KALRN: variants seen among roughly 807,000 people sequenced by gnomAD.
KALRN encodes the protein kalirin RhoGEF kinase.
Under a neutral mutation model 353.7 loss-of-function variants are expected in KALRN, and 70 were observed. The ratio of observed to expected loss-of-function variants is 0.20; its 90% CI spans 0.16 to 0.24. The LOEUF (loss-of-function observed/expected upper bound fraction) is 0.24. Ranked by LOEUF, KALRN falls within the 10% of genes least tolerant of loss-of-function variation. The probability of loss-of-function intolerance (pLI) is 1.00; values close to 1 mark genes in which losing one functional copy is unlikely to be tolerated. For missense variants in KALRN, 2,791 were observed against 3,756.7 expected (o/e 0.74, Z 6.72); for synonymous variants, 1,391 against 1,434.8 (o/e 0.97, Z 0.69).
At chr3:124,566,485 G>A (rs1464599566) in intron 34 of KALRN, among the ~76,000 whole-genome samples, 6 of 148,246 alleles carry the variant, frequency 4.0e-5, no homozygotes, top group South Asian at 2.1e-4. Context: ...AGCCTGGGTT[G>A]CAGAGTGAAA....
intron 1 of KALRN, among the ~76,000 whole-genome samples, chr3:124,036,531 A>G (rs1012352140): frequency 6.6e-6 from 1 of 151,910 alleles, no homozygotes; most frequent in African/African-American, 2.4e-5. Context: ...GAACATATGC[A>G]TATGCGTTGG....
At chr3:124,677,580 G>T (rs754096897) in intron 49 of KALRN, 1 of 456,640 alleles carries the variant, frequency 2.2e-6, no homozygotes, top group South Asian at 1.5e-5. Context: ...AATATAGACC[G>T]AGAAACTCTT....
intron 5 of KALRN, among the ~76,000 whole-genome samples, chr3:124,281,709 G>C (rs1391496994): frequency 6.6e-6 from 1 of 152,108 alleles, no homozygotes; most frequent in East Asian, 1.9e-4. Flanking sequence ...CCTGTTCCAT[G>C]CCATCTAGCA....
At chr3:124,679,936 C>T (rs113940041) in intron 51 of KALRN, among the ~76,000 whole-genome samples, 3 of 152,346 alleles carry the variant, frequency 2.0e-5, no homozygotes, top group African/African-American at 7.2e-5. Flanking sequence ...CCCTCCTCCG[C>T]TTCTTTTTCT....
chr3:124,079,193 G>A (rs577336818), intron 1 of KALRN, among the ~76,000 whole-genome samples: 2 of 152,144 alleles, frequency 1.3e-5, no homozygotes, highest in African/African-American at 4.8e-5. Context: ...GGAAGCAGAG[G>A]GGATTTTTGC....
At chr3:124,292,301 A>T (rs1471699971) in intron 5 of KALRN, among the ~76,000 whole-genome samples, 1 of 152,172 alleles carries the variant, frequency 6.6e-6, no homozygotes, top group Non-Finnish European at 1.5e-5. Flanking sequence ...CTCCTACTAA[A>T]CTGTTTCTAT....
At chr3:124,692,508 C>A (rs1033294859) in intron 51 of KALRN, among the ~76,000 whole-genome samples, 5 of 152,170 alleles carry the variant, frequency 3.3e-5, no homozygotes, top group Non-Finnish European at 7.3e-5. Context: ...AGTGCAGAGG[C>A]CCCAGTTGGG....
At chr3:124,463,810 C>T (rs1416101870) in intron 25 of KALRN, among the ~76,000 whole-genome samples, 18 of 152,066 alleles carry the variant, frequency 1.2e-4, no homozygotes, top group Admixed American at 1.2e-3. Flanking sequence ...TTATTAATTC[C>T]TGGTATGTCA....
chr3:124,692,855 C>T lies in KALRN; in HGVS notation c.7378-949C>T, dbSNP rs116371672. On this transcript the variant is annotated intron_variant, in intron 51 of 59. Coordinates refer to ENST00000682506, the MANE Select transcript of KALRN (RefSeq NM_001388419.1). ...ATGACCTCAGCCTATCTCCAAAGTC[C>T]GTGCTTTTTTAAAACAATGCCAGGC... 7.0e-3 allele frequency among the ~76,000 whole-genome samples: 1,066 copies of T among 152,298 alleles called. 9 individuals are homozygous for T. The highest frequency in any genetic ancestry group is 0.024 in the African/African-American group (1,006 of 41,566).
chr3:124,702,202 T>C (rs2062374147), intron 57 of KALRN, 86 bp downstream of exon 57: 2 of 795,540 alleles, frequency 2.5e-6, no homozygotes, highest in Non-Finnish European at 4.0e-6. Context: ...TGTCATTGTT[T>C]ATTTCTTTTA....
At chr3:124,434,822 G>A (rs555312350) in intron 17 of KALRN, among the ~76,000 whole-genome samples, 12 of 152,322 alleles carry the variant, frequency 7.9e-5, no homozygotes, top group Admixed American at 7.8e-4. Flanking sequence ...TTAGTCAGCT[G>A]TTACCACCAT....
chr3:124,460,645 G>C (rs1242701759), intron 23 of KALRN, among the ~76,000 whole-genome samples: 2 of 152,134 alleles, frequency 1.3e-5, no homozygotes, highest in African/African-American at 4.8e-5. Flanking sequence ...CAGCAATTCT[G>C]TGTGATCAGC....
At chr3:124,643,469 C>T (rs1047168591) in intron 37 of KALRN, among the ~76,000 whole-genome samples, 9 of 152,232 alleles carry the variant, frequency 5.9e-5, no homozygotes, top group Admixed American at 2.0e-4. Context: ...GAGAATATTA[C>T]TTAAGGATTT....
chr3:124,559,248 GTCC>G (rs748033441), intron 33 of KALRN, among the ~76,000 whole-genome samples: 13 of 152,204 alleles, frequency 8.5e-5, no homozygotes, highest in Non-Finnish European at 1.3e-4. Flanking sequence ...AGGAGGCCGT[GTCC>G]ACCCAGGGAT....
chr3:124,551,999 C>G (rs2070598130), intron 33 of KALRN, among the ~76,000 whole-genome samples: 1 of 152,190 alleles, frequency 6.6e-6, no homozygotes, highest in Admixed American at 6.5e-5. Context: ...CCTCAATTTC[C>G]TCATCTATAA....
intron 51 of KALRN, among the ~76,000 whole-genome samples, chr3:124,686,263 C>G (rs1372067477): frequency 6.6e-6 from 1 of 152,202 alleles, no homozygotes; most frequent in African/African-American, 2.4e-5. Flanking sequence ...TACTACTTAG[C>G]AGTCTTTCCT....
intron 1 of KALRN, chr3:124,094,570 C>T (rs182623966): frequency 1.9e-6 from 1 of 520,830 alleles, no homozygotes; most frequent in African/African-American, 1.9e-5. Flanking sequence ...GACTCCCTCC[C>T]ACGCATCTCC....
chr3:124,334,541 A>G lies in KALRN; in HGVS notation c.1647+46A>G. ...GTGTCCATTATCCATTCTAGGAGGC[A>G]GACCGAGCTCAAGTCCCTGACCTAG... On this transcript the variant is annotated intron_variant, in intron 9 of 59. Coordinates refer to ENST00000682506, the MANE Select transcript of KALRN (RefSeq NM_001388419.1). The surrounding 1 kb of genome is among the most constrained non-coding windows in gnomAD (Gnocchi z 4.2). 7.1e-7 allele frequency: 1 copy of G among 1,407,090 alleles called. No homozygotes were observed. Among genetic ancestry groups the G allele is most frequent in the Non-Finnish European group, 9.9e-7 (1 of 1,011,678 alleles). The allele number at this position is 1,407,090 out of a possible 1,614,324, so 87.2% of individuals were successfully genotyped here.
At chr3:124,402,377 A>G (rs1033727678) in intron 13 of KALRN, among the ~76,000 whole-genome samples, 59 of 152,354 alleles carry the variant, frequency 3.9e-4, no homozygotes, top group African/African-American at 1.3e-3. Flanking sequence ...ATAGTGGAAC[A>G]TGATGTTCTA....
Sources: gnomAD v4.1 joint callset for allele counts (sites outside exome capture counted in the v4.1 genomes callset) on GRCh38, gnomAD v4.1.1 for gene constraint, Gnocchi (gnomAD v3.1) non-coding constraint, MANE v1.5 for transcripts, NCBI Gene and HGNC (gene_info 2026-07-23, HGNC 2026-07-21) for gene names.